The following TMEM62 variants were observed in gnomAD, a reference collection of about 807,000 sequenced individuals.
TMEM62 encodes the protein transmembrane protein 62.
Under a neutral mutation model 70.4 loss-of-function variants are expected in TMEM62, and 41 were observed. That is an observed-to-expected ratio of 0.58 (90% CI 0.45 to 0.76). TMEM62 has a LOEUF of 0.76. Ranked by LOEUF, TMEM62 falls within the 30% of genes least tolerant of loss-of-function variation. TMEM62 has a pLI of 0.00. For synonymous variants in TMEM62, 268 were observed against 291.0 expected (o/e 0.92, Z 0.80); for missense variants, 688 against 788.5 (o/e 0.87, Z 1.53).
chr15:43,141,222 T>C (rs552022230), intron 4 of TMEM62, among the ~76,000 whole-genome samples: 124 of 152,346 alleles, frequency 8.1e-4, no homozygotes, highest in Admixed American at 1.8e-3. Flanking sequence ...CCATTCATTC[T>C]GAGGGAGGAG....
At chr15:43,141,033 T>A (rs575038951) in intron 4 of TMEM62, among the ~76,000 whole-genome samples, 2 of 152,258 alleles carry the variant, frequency 1.3e-5, no homozygotes, top group South Asian at 4.2e-4. Context: ...ACTAGCACCA[T>A]CAAAGCCCAG....
At chr15:43,154,028 T>C (rs1434338952) in intron 8 of TMEM62, among the ~76,000 whole-genome samples, 1 of 152,258 alleles carries the variant, frequency 6.6e-6, no homozygotes, top group African/African-American at 2.4e-5. Context: ...GCAATATGAA[T>C]GCCAAATTCA....
At chr15:43,179,208 G>A (rs910541392) in intron 12 of TMEM62, among the ~76,000 whole-genome samples, 1 of 151,990 alleles carries the variant, frequency 6.6e-6, no homozygotes, top group South Asian at 2.1e-4. Context: ...ATCCAGCCTG[G>A]GCAACACAGC....
chr15:43,184,020 C>A, intron 13 of TMEM62: 1 of 572,310 alleles, frequency 1.7e-6, no homozygotes, highest in East Asian at 2.9e-5. Flanking sequence ...TGATACTGTA[C>A]TACAAGTTGG....
chr15:43,153,819 GTT>G (rs1567201127), intron 8 of TMEM62, among the ~76,000 whole-genome samples: 1 of 152,122 alleles, frequency 6.6e-6, no homozygotes, highest in East Asian at 1.9e-4. Flanking sequence ...ACAGATAACG[GTT>G]CAAGTCCCTG....
At chr15:43,165,558 C>G (rs1357304707) in intron 10 of TMEM62, among the ~76,000 whole-genome samples, 2 of 151,724 alleles carry the variant, frequency 1.3e-5, no homozygotes, top group African/African-American at 4.8e-5. Flanking sequence ...ACAGTGAAAC[C>G]CCATCTCTAC....
In TMEM62 at chr15:43,168,173, C is replaced by G. The variant is rs1000176170; in HGVS notation, c.1297-1420C>G. ...AGGGAGAGGGAGAGGGAGAGGGAGA[C>G]GGAGACGGAGAGGGAGAGGGAGAGG... On this transcript the variant is annotated intron_variant, in intron 10 of 13. Coordinates refer to ENST00000260403, the MANE Select transcript of TMEM62 (RefSeq NM_024956.4). Among the ~76,000 whole-genome samples the G allele has an allele frequency of 4.7e-3, 293 of 62,128 alleles. 8 individuals carry two copies. The highest frequency in any genetic ancestry group is 0.015 in the African/African-American group (180 of 11,698). The allele number at this position is 62,128 out of a possible 152,430, so 40.8% of individuals were successfully genotyped here. A position where few individuals can be genotyped will look rare whatever the true frequency, so the allele number is the denominator to read the frequency against.
At chr15:43,138,291 C>T (rs2035514285) in intron 3 of TMEM62, among the ~76,000 whole-genome samples, 1 of 152,100 alleles carries the variant, frequency 6.6e-6, no homozygotes, top group South Asian at 2.1e-4. Context: ...CATCTGGACT[C>T]TGTTCTGAGT....
intron 11 of TMEM62, among the ~76,000 whole-genome samples, chr15:43,173,855 CTTT>C (rs751203696): frequency 9.3e-5 from 10 of 107,354 alleles, no homozygotes; most frequent in Admixed American, 1.1e-4. Flanking sequence ...AATGCAGGAA[CTTT>C]TTTTTTTTTT....
chr15:43,167,204 G>A (rs371520972), intron 10 of TMEM62, among the ~76,000 whole-genome samples: 11 of 151,310 alleles, frequency 7.3e-5, no homozygotes, highest in African/African-American at 2.2e-4. Flanking sequence ...TCGGCTGGCC[G>A]GGCGGGGGGC....
intron 4 of TMEM62, among the ~76,000 whole-genome samples, chr15:43,140,777 A>T (rs1052193487): frequency 6.6e-6 from 1 of 152,208 alleles, no homozygotes; most frequent in African/African-American, 2.4e-5. Context: ...GCTCATGGCA[A>T]TAGAGCTTCA....
At chr15:43,150,861 C>T (rs2037279831) in intron 7 of TMEM62, among the ~76,000 whole-genome samples, 1 of 152,212 alleles carries the variant, frequency 6.6e-6, no homozygotes, top group African/African-American at 2.4e-5. Context: ...TACCAGGAGA[C>T]TGGGAAATTC....
chr15:43,172,151 T>C (rs189330011), intron 11 of TMEM62, among the ~76,000 whole-genome samples: 36 of 152,326 alleles, frequency 2.4e-4, no homozygotes, highest in African/African-American at 8.7e-4. Flanking sequence ...CTTATACTAA[T>C]GTTTAGCAAT....
At position 43,168,009 on chromosome 15, in the gene TMEM62, AGGCACTC is replaced by A. The variant is rs1011067104; in HGVS notation, c.1297-1579_1297-1573del. On this transcript the variant is annotated intron_variant, in intron 10 of 13. Coordinates refer to ENST00000260403, the MANE Select transcript of TMEM62 (RefSeq NM_024956.4). ...CGTGGCGGCGCACGCCTGCAATCGC[AGGCACTC>A]GGCAGGCTGAGGCAGGAGACTCAGG... 5.6e-3 allele frequency among the ~76,000 whole-genome samples: 852 copies of A among 152,116 alleles called. 9 individuals are homozygous for A. The highest frequency in any genetic ancestry group is 0.019 in the African/African-American group (808 of 41,510).
chr15:43,162,874 AT>A (rs1359666481), intron 10 of TMEM62, among the ~76,000 whole-genome samples: 13 of 152,054 alleles, frequency 8.5e-5, no homozygotes, highest in African/African-American at 2.9e-4. Context: ...CTAGAAGTGA[AT>A]TTCTGGATCA....
chr15:43,152,717 A>G (rs561958801), intron 8 of TMEM62, among the ~76,000 whole-genome samples: 1 of 152,306 alleles, frequency 6.6e-6, no homozygotes, highest in South Asian at 2.1e-4. Flanking sequence ...ATATAGATTA[A>G]TAGAATCCAA....
At chr15:43,163,883 G>A (rs537349340) in intron 10 of TMEM62, among the ~76,000 whole-genome samples, 8 of 152,302 alleles carry the variant, frequency 5.3e-5, no homozygotes, top group East Asian at 3.9e-4. Context: ...TTCCAGTGAC[G>A]GTCCAGGATC....
rs146001123 is a variant in TMEM62, at chr15:43,145,490, C to A, written c.477-1003C>A. Among the ~76,000 whole-genome samples, 1,207 of 152,192 alleles carry A rather than the reference C, an allele frequency of 7.9e-3. 15 individuals carry two copies. Among genetic ancestry groups the A allele is most frequent in the African/African-American group, 0.028 (1,167 of 41,520 alleles). On this transcript the variant is annotated intron_variant, in intron 4 of 13. Transcript: ENST00000260403. ...AAAGTGCTGGGATTACAGGCGGGAG[C>A]CACCGCGCCTGGCCCTGAAATGGAA...
intron 4 of TMEM62, among the ~76,000 whole-genome samples, chr15:43,141,639 C>T (rs547666457): frequency 6.6e-6 from 1 of 152,342 alleles, no homozygotes; most frequent in African/African-American, 2.4e-5. Flanking sequence ...ATTTAAGAAA[C>T]ACATTTCATA....
Sources: gnomAD v4.1 joint callset for allele counts (sites outside exome capture counted in the v4.1 genomes callset) on GRCh38, gnomAD v4.1.1 for gene constraint, MANE v1.5 for transcripts, NCBI Gene and HGNC (gene_info 2026-07-23, HGNC 2026-07-21) for gene names.